Variants in HDAC9 observed in about 807,000 individuals in gnomAD.
HDAC9 encodes MEF-2 interacting transcription repressor (MITR) protein.
A neutral mutation model predicts 139.4 loss-of-function variants in HDAC9; 41 were observed. The ratio of observed to expected loss-of-function variants is 0.29; its 90% CI spans 0.23 to 0.38. The LOEUF is 0.38. HDAC9 is among the 10% of genes least tolerant of loss of function. HDAC9 has a pLI of 1.00. For synonymous variants in HDAC9, 517 were observed against 476.2 expected (o/e 1.09, Z -1.12); for missense variants, 1,147 against 1,297.0 (o/e 0.88, Z 1.78).
intron 17 of HDAC9, among the ~76,000 whole-genome samples, chr7:18,824,533 A>G (rs1795266469): frequency 6.6e-6 from 1 of 152,218 alleles, no homozygotes; most frequent in Non-Finnish European, 1.5e-5. Context: ...ATGATAGGAT[A>G]GGAGAGTAGG....
intron 17 of HDAC9, among the ~76,000 whole-genome samples, chr7:18,822,234 C>A (rs1795030348): frequency 6.6e-6 from 1 of 152,282 alleles, no homozygotes; most frequent in East Asian, 1.9e-4. Flanking sequence ...TGGAAAGGAG[C>A]CACCATCCTG....
intron 2 of HDAC9, among the ~76,000 whole-genome samples, chr7:18,501,850 T>C (rs957115714): frequency 2.0e-5 from 3 of 152,166 alleles, no homozygotes; most frequent in African/African-American, 7.2e-5. Context: ...TGATTAATTG[T>C]AAGTAGTAGG....
At chr7:18,934,328 A>G (rs1781472834) in intron 22 of HDAC9, among the ~76,000 whole-genome samples, 1 of 152,084 alleles carries the variant, frequency 6.6e-6, no homozygotes, top group African/African-American at 2.4e-5. Context: ...CATTATGGCC[A>G]ATACAGGAAT....
chr7:18,858,480 C>T (rs539647563), intron 21 of HDAC9, among the ~76,000 whole-genome samples: 10 of 152,236 alleles, frequency 6.6e-5, no homozygotes, highest in African/African-American at 2.4e-4. Flanking sequence ...GGGGAAATCA[C>T]CCCCATGATT....
intron 1 of HDAC9, among the ~76,000 whole-genome samples, chr7:18,408,564 A>G (rs998453968): frequency 9.2e-5 from 14 of 152,198 alleles, no homozygotes; most frequent in African/African-American, 3.4e-4. Flanking sequence ...TTAATATGGC[A>G]GTAATTCCTT....
chr7:18,855,568 C>T (rs75821552), intron 21 of HDAC9, among the ~76,000 whole-genome samples: 2,153 of 151,850 alleles, frequency 0.014, 58 homozygotes, highest in African/African-American at 0.048. Context: ...GCATGGTGGC[C>T]GTGCTGAACT....
chr7:18,543,845 C>T (rs182125346), intron 2 of HDAC9, among the ~76,000 whole-genome samples: 1 of 140,912 alleles, frequency 7.1e-6, no homozygotes, highest in East Asian at 2.1e-4. Flanking sequence ...TTATAGGGAA[C>T]AGCATATTTA....
intron 2 of HDAC9, among the ~76,000 whole-genome samples, chr7:18,254,920 G>A (rs1795135839): frequency 6.6e-6 from 1 of 152,060 alleles, no homozygotes; most frequent in Non-Finnish European, 1.5e-5. Flanking sequence ...ACTGAAAAAT[G>A]TAGACTAAAC....
chr7:18,328,496 C>T (rs532774871), intron 1 of HDAC9, among the ~76,000 whole-genome samples: 2 of 151,848 alleles, frequency 1.3e-5, no homozygotes, highest in African/African-American at 4.8e-5. Flanking sequence ...ACACGTAAAC[C>T]CACTCTGTGC....
chr7:18,785,207 AC>A (rs2129173354), intron 16 of HDAC9, among the ~76,000 whole-genome samples: 1 of 152,206 alleles, frequency 6.6e-6, no homozygotes, highest in East Asian at 1.9e-4. Context: ...CACTTAAGAA[AC>A]CAAGGGCAGA....
At chr7:18,975,693 A>G (rs1784505512) in intron 24 of HDAC9, 113 bp from the exon 25 acceptor site, 7 of 981,614 alleles carry the variant, frequency 7.1e-6, no homozygotes, top group Non-Finnish European at 1.1e-5. Flanking sequence ...ACAACTGTGT[A>G]TAACATGGGG....
At chr7:18,668,199 G>C (rs1312898272) in intron 12 of HDAC9, 1 of 877,120 alleles carries the variant, frequency 1.1e-6, no homozygotes, top group Non-Finnish European at 1.4e-6. Flanking sequence ...CTAGAAGTTA[G>C]AAAGTTTAAA....
chr7:18,495,719 A>G, upstream of HDAC9: 1 of 987,458 alleles, frequency 1.0e-6, no homozygotes, highest in Non-Finnish European at 1.2e-6. Flanking sequence ...CGCTTTAGCC[A>G]ACTTGAGCTG....
chr7:18,200,129 T>G (rs1791013034), intron 2 of HDAC9, among the ~76,000 whole-genome samples: 1 of 152,202 alleles, frequency 6.6e-6, no homozygotes, highest in South Asian at 2.1e-4. Flanking sequence ...AGAAAACAAT[T>G]ATCTGTCTGC....
chr7:18,868,131 A>G (rs1798632193), intron 21 of HDAC9, among the ~76,000 whole-genome samples: 1 of 152,132 alleles, frequency 6.6e-6, no homozygotes, highest in South Asian at 2.1e-4. Context: ...CTTGCATACA[A>G]CATGGTCTTC....
At chr7:18,826,721 T>C (rs1330533735) in intron 17 of HDAC9, among the ~76,000 whole-genome samples, 1 of 151,902 alleles carries the variant, frequency 6.6e-6, no homozygotes, top group Non-Finnish European at 1.5e-5. Context: ...ATTTCCATTT[T>C]GTTTCTTAAC....
At chr7:18,881,630 A>G (rs1799745861) in intron 22 of HDAC9, among the ~76,000 whole-genome samples, 2 of 152,120 alleles carry the variant, frequency 1.3e-5, no homozygotes, top group African/African-American at 4.8e-5. Flanking sequence ...CATTATCAAA[A>G]TCTATAAAGA....
chr7:18,391,979 T>TTTACTTGTATCTTTCCC (rs1786528344), intron 1 of HDAC9, among the ~76,000 whole-genome samples: 1 of 152,132 alleles, frequency 6.6e-6, no homozygotes, highest in African/African-American at 2.4e-5. Context: ...CACACTTTAC[T>TTTACTTGTATCTTTCCC]TTTACTTGTA....
intron 1 of HDAC9, among the ~76,000 whole-genome samples, chr7:18,440,195 T>C (rs1470787133): frequency 6.6e-6 from 1 of 151,448 alleles, no homozygotes; most frequent in Non-Finnish European, 1.5e-5. Context: ...TTTTCTTTTT[T>C]TTTTTTTTGG....
Sources: gnomAD v4.1 joint callset for allele counts (sites outside exome capture counted in the v4.1 genomes callset) on GRCh38, gnomAD v4.1.1 for gene constraint, MANE v1.5 for transcripts, NCBI Gene and HGNC (gene_info 2026-07-23, HGNC 2026-07-21) for gene names.